Variants in RABGEF1 observed in about 807,000 individuals in gnomAD.
RABGEF1 encodes rab5 GDP/GTP exchange factor.
A neutral mutation model predicts 57.3 loss-of-function variants in RABGEF1; 26 were observed. The observed-to-expected ratio is 0.45, with a 90% confidence interval of 0.33 to 0.63. The LOEUF is 0.63. RABGEF1 is among the 20% of genes least tolerant of loss of function. The probability of loss-of-function intolerance (pLI) is 0.02; values close to 1 mark genes in which losing one functional copy is unlikely to be tolerated. For synonymous variants in RABGEF1, 185 were observed against 210.7 expected, an observed-to-expected ratio of 0.88 and a Z score of 1.06; for missense variants, 464 against 607.6, an observed-to-expected ratio of 0.76 and a Z score of 2.48.
At chr7:66,745,475 T>A (rs1419856012) in intron 1 of RABGEF1, among the ~76,000 whole-genome samples, 1 of 151,962 alleles carries the variant, frequency 6.6e-6, no homozygotes, top group Non-Finnish European at 1.5e-5. Flanking sequence ...AGTAAAGTTA[T>A]CACACCATAG....
Position 66,783,531 on chromosome 7 carries a change from C to T in RABGEF1, c.347-144C>T. 3.8e-6 allele frequency: 3 copies of T among 795,112 alleles called. 1 individual carries two copies. The highest frequency in any genetic ancestry group is 5.4e-6 in the Non-Finnish European group (3 of 551,664). The allele number at this position is 795,112 out of a possible 1,614,324, so 49.3% of individuals were successfully genotyped here. On this transcript the variant is annotated intron_variant, in intron 3 of 8. Transcript: ENST00000284957. Reference sequence around the variant, plus strand: ...TTAGTTTACTTTAAGGAAAGTTGTCCAACCATTCAAACATAAAATTATTTA... The same window carrying T: ...TTAGTTTACTTTAAGGAAAGTTGTCTAACCATTCAAACATAAAATTATTTA...
In RABGEF1 at chr7:66,757,120, G is replaced by A. The variant is rs570016066; in HGVS notation, c.-17-14763G>A. ...ATTTGTAGTAAACTTACACATTTTG[G>A]AATGTTTGACACTGTTACAACATTT... On this transcript the variant is annotated intron_variant, in intron 1 of 8. Coordinates refer to ENST00000284957, the MANE Select transcript of RABGEF1 (RefSeq NM_014504.3). Among the ~76,000 whole-genome samples the A allele has an allele frequency of 1.1e-3, 165 of 152,236 alleles. 2 individuals carry two copies. Among genetic ancestry groups the A allele is most frequent in the African/African-American group, 3.8e-3 (158 of 41,552 alleles).
the RABGEF1 span, among the ~76,000 whole-genome samples, chr7:66,675,683 G>A: frequency 6.6e-6 from 1 of 152,112 alleles, no homozygotes; most frequent in Admixed American, 6.6e-5. Context: ...AAAACCGTAA[G>A]GATCCAGCAT....
intron 1 of RABGEF1, among the ~76,000 whole-genome samples, chr7:66,741,913 G>A (rs1039716322): frequency 6.6e-6 from 1 of 152,020 alleles, no homozygotes; most frequent in African/African-American, 2.4e-5. Context: ...AAGGCAGGCG[G>A]ATCATGACGT....
chr7:66,757,274 CTTGTTA>C (rs1026103760), intron 1 of RABGEF1, among the ~76,000 whole-genome samples: 33 of 151,620 alleles, frequency 2.2e-4, no homozygotes, highest in African/African-American at 7.5e-4. Context: ...TACTTTCTAA[CTTGTTA>C]TTGTTTCTCT....
chr7:66,805,628 T>C (rs1788266749), intron 8 of RABGEF1, among the ~76,000 whole-genome samples: 1 of 152,224 alleles, frequency 6.6e-6, no homozygotes, highest in Admixed American at 6.5e-5. Flanking sequence ...TGACATGTGT[T>C]GGGCATCACT....
chr7:66,724,849 C>G (rs1796425817), intron 2 of RABGEF1, among the ~76,000 whole-genome samples: 2 of 152,034 alleles, frequency 1.3e-5, no homozygotes, highest in Non-Finnish European at 2.9e-5. Flanking sequence ...TTTTTTTTGG[C>G]TTGCTTTTTT....
the RABGEF1 span, among the ~76,000 whole-genome samples, chr7:66,659,757 C>T: frequency 1.3e-4 from 19 of 150,352 alleles, no homozygotes; most frequent in African/African-American, 3.4e-4. Flanking sequence ...CCAGCCTGCA[C>T]GACAGAGTGA....
intron 1 of RABGEF1, among the ~76,000 whole-genome samples, chr7:66,685,992 T>TTATA (rs1177860915): frequency 6.6e-6 from 1 of 151,872 alleles, no homozygotes; most frequent in African/African-American, 2.4e-5. Flanking sequence ...AGTTACCGCA[T>TTATA]TATAGGCCAG....
At chr7:66,700,401 G>A (rs1259480963) in intron 1 of RABGEF1, among the ~76,000 whole-genome samples, 1 of 151,000 alleles carries the variant, frequency 6.6e-6, no homozygotes, top group African/African-American at 2.4e-5. Flanking sequence ...AGGTCTCCCC[G>A]GAAAGTGTTT....
chr7:66,808,826 A>G, intron 8 of RABGEF1, 60 bp from the exon 9 acceptor site: 1 of 1,423,364 alleles, frequency 7.0e-7, no homozygotes, highest in Non-Finnish European at 9.5e-7. Flanking sequence ...GATTTTTACA[A>G]ATCGACTCGA....
At chr7:66,663,811 C>T in the RABGEF1 span, among the ~76,000 whole-genome samples, 139 of 152,156 alleles carry the variant, frequency 9.1e-4, no homozygotes, top group East Asian at 0.016. Context: ...TGGTGGCTCA[C>T]GCCTGTAATC....
intron 1 of RABGEF1, among the ~76,000 whole-genome samples, chr7:66,700,389 A>G (rs556277865): frequency 1.4e-4 from 22 of 152,100 alleles, no homozygotes; most frequent in African/African-American, 5.1e-4. Flanking sequence ...GGGAGTGACT[A>G]GAGGTCTCCC....
At position 66,766,710 on chromosome 7, in the gene RABGEF1, CTTAT is replaced by C. The variant is rs59017193; in HGVS notation, c.-17-5146_-17-5143del. Among the ~76,000 whole-genome samples, 632 of 149,338 alleles carry C rather than the reference CTTAT, an allele frequency of 4.2e-3. 2 individuals are homozygous for C. The highest frequency in any genetic ancestry group is 0.012 in the African/African-American group (484 of 40,804). On this transcript the variant is annotated intron_variant, in intron 1 of 8. Coordinates refer to ENST00000284957, the MANE Select transcript of RABGEF1 (RefSeq NM_014504.3). The stretch of plus-strand genomic sequence containing the variant: ...CGTCTTTCCATTCCCACTGTTACCT[CTTAT>C]TTATTTATTTATTTATTTATTTATT...
intron 2 of RABGEF1, among the ~76,000 whole-genome samples, chr7:66,714,835 T>A (rs954326497): frequency 1.3e-5 from 2 of 152,158 alleles, no homozygotes; most frequent in Admixed American, 1.3e-4. Flanking sequence ...CTCGAGAGGC[T>A]GAGGCAGGAG....
At chr7:66,723,567 GT>G (rs1035316392) in intron 2 of RABGEF1, among the ~76,000 whole-genome samples, 3 of 151,396 alleles carry the variant, frequency 2.0e-5, no homozygotes, top group African/African-American at 4.8e-5. Context: ...AACAATTACT[GT>G]TTTTTTTGTT....
chr7:66,793,514 G>A (rs1239165382), intron 4 of RABGEF1, among the ~76,000 whole-genome samples: 3 of 152,162 alleles, frequency 2.0e-5, no homozygotes, highest in African/African-American at 4.8e-5. Flanking sequence ...GCTCAAATCT[G>A]TAGTAATAAT....
intron 2 of RABGEF1, among the ~76,000 whole-genome samples, chr7:66,728,634 C>T (rs1255631501): frequency 1.4e-3 from 2 of 1,392 alleles, no homozygotes; most frequent in East Asian, 0.028. Context: ...CCATCCTCAT[C>T]ATCCTCGCCT....
chr7:66,779,558 A>G (rs1809359700), intron 3 of RABGEF1, among the ~76,000 whole-genome samples: 1 of 151,692 alleles, frequency 6.6e-6, no homozygotes, highest in Admixed American at 6.6e-5. Context: ...TGTAGCCCCA[A>G]CTACTTGGGA....
Sources: allele counts gnomAD v4.1 joint callset (sites outside exome capture counted in the v4.1 genomes callset), GRCh38; gene constraint gnomAD v4.1.1; transcripts MANE v1.5; gene names NCBI Gene and HGNC (gene_info 2026-07-23, HGNC 2026-07-21).